The following FNDC3A variants were observed in gnomAD, a reference collection of about 807,000 sequenced individuals.
FNDC3A encodes the protein fibronectin type-III domain-containing protein 3A.
In FNDC3A, 32 loss-of-function variants were observed where a neutral mutation model predicts 148.9. The observed-to-expected ratio is 0.21, with a 90% CI of 0.16 to 0.29. The LOEUF is 0.29. FNDC3A is among the 10% of genes least tolerant of loss of function. FNDC3A has a pLI of 1.00. For synonymous variants in FNDC3A, 472 were observed against 473.6 expected, an observed-to-expected ratio of 1.00 and a Z score of 0.04; for missense variants, 1,191 against 1,452.8, an observed-to-expected ratio of 0.82 and a Z score of 2.93.
At chr13:49,028,249 C>T (rs1479721327) in intron 2 of FNDC3A, among the ~76,000 whole-genome samples, 2 of 151,912 alleles carry the variant, frequency 1.3e-5, no homozygotes, top group East Asian at 3.9e-4. Context: ...ACTATGTGCA[C>T]TCTATAAGAG....
At chr13:49,195,115 AG>A (rs1886085257) in intron 19 of FNDC3A, among the ~76,000 whole-genome samples, 1 of 152,142 alleles carries the variant, frequency 6.6e-6, no homozygotes. Context: ...ATAATTGATT[AG>A]TATATAGTTT....
At chr13:49,198,632 CT>C (rs1886274036) in intron 23 of FNDC3A, 58 bp downstream of exon 23, 5 of 1,369,662 alleles carry the variant, frequency 3.7e-6, no homozygotes, top group Non-Finnish European at 5.2e-6. Context: ...ATATACATTT[CT>C]GTAACTATTA....
At chr13:49,003,454 T>G (rs1952164219) in intron 1 of FNDC3A, among the ~76,000 whole-genome samples, 1 of 152,078 alleles carries the variant, frequency 6.6e-6, no homozygotes. Context: ...CCAGTATATA[T>G]TCAAAATATA....
chr13:49,074,799 TGTC>T (rs1877984793), intron 2 of FNDC3A, among the ~76,000 whole-genome samples: 1 of 152,146 alleles, frequency 6.6e-6, no homozygotes, highest in Non-Finnish European at 1.5e-5. Context: ...GTTTTTCAAA[TGTC>T]GTAAAATTGG....
intron 1 of FNDC3A, among the ~76,000 whole-genome samples, chr13:49,004,782 TGAGTTACCTAC>T (rs1952190867): frequency 6.6e-6 from 1 of 151,952 alleles, no homozygotes; most frequent in East Asian, 1.9e-4. Flanking sequence ...TTAAGAAAAT[TGAGTTACCTAC>T]AAAATCTTGT....
At chr13:49,101,233 C>T (rs2137838615) in intron 3 of FNDC3A, among the ~76,000 whole-genome samples, 1 of 152,282 alleles carries the variant, frequency 6.6e-6, no homozygotes, top group South Asian at 2.1e-4. Flanking sequence ...CCATGGAGCA[C>T]CTGGTTAGTT....
Position 49,145,828 on chromosome 13 carries a change from C to T in FNDC3A, c.870C>T (p.Ser290=). ...RTVVLTWSPP[S]SLINGETDES... ...TAGTACTTACCTGGTCACCACCTTC[C>T]AGCCTCATTAATGGTGAAACAGATG... The change falls in exon 8 of 26, where the codon TCC becomes TCT. Residue 290 remains serine, a synonymous_variant. Transcript: ENST00000492622. 1 of 1,613,790 alleles carries T rather than the reference C, an allele frequency of 6.2e-7. No individual in the cohort carries two copies. The highest frequency in any genetic ancestry group is 1.1e-5 in the South Asian group (1 of 91,066).
chr13:49,177,300 C>G (rs191036083), intron 13 of FNDC3A, among the ~76,000 whole-genome samples: 16 of 152,292 alleles, frequency 1.1e-4, no homozygotes, highest in Non-Finnish European at 1.6e-4. Context: ...CTGCCTTTCT[C>G]TAACTGTATT....
chr13:49,168,515 G>T, intron 9 of FNDC3A, 98 bp from the exon 10 acceptor site: 3 of 712,614 alleles, frequency 4.2e-6, no homozygotes, highest in Admixed American at 2.9e-5. Flanking sequence ...AGAACTTTTA[G>T]TGGACACCTT....
At chr13:49,071,987 T>C (rs1363016614) in intron 2 of FNDC3A, among the ~76,000 whole-genome samples, 1 of 152,160 alleles carries the variant, frequency 6.6e-6, no homozygotes, top group Admixed American at 6.5e-5. Flanking sequence ...ACCTTGTTGA[T>C]TGTTTCCTTT....
Position 49,197,585 on chromosome 13 carries a change from C to T in FNDC3A, c.2341-140C>T. 7 of 618,630 alleles carry T rather than the reference C, an allele frequency of 1.1e-5. No homozygotes were observed. The South Asian group carries it at 1.7e-4, about 15-fold the overall frequency. 38.3% of individuals were successfully genotyped at this position (618,630 alleles called of 1,614,324 possible). A position where few individuals can be genotyped will look rare whatever the true frequency, so the allele number is the denominator to read the frequency against. ...AATGAATAAAAAATGTAAAATTGAA[C>T]AGTTTTGATTGTGCTTAAAAGTTTT... On this transcript the variant is annotated intron_variant, in intron 20 of 25. Transcript: ENST00000492622.
chr13:48,981,343 A>C lies in FNDC3A; in HGVS notation c.-40+5166A>C, dbSNP rs183154775. ...TGCAATCTTGGTTTTCTAAGCATTA[A>C]AATAGAGAATAATATCTATCCTGTT... On this transcript the variant is annotated intron_variant, in intron 1 of 25. Coordinates refer to ENST00000492622, the MANE Select transcript of FNDC3A (RefSeq NM_001079673.2). 6.6e-5 allele frequency among the ~76,000 whole-genome samples: 10 copies of C among 152,234 alleles called. No individual in the cohort carries two copies. In the East Asian group the frequency reaches 1.9e-3, roughly 29 times the overall value.
chr13:49,198,586 T>A lies in FNDC3A; in HGVS notation c.2987+12T>A. ...GATAAGAATGGACGGTAGGTTTTTT[T>A]AATTGCTTCTTTATATAGTTTCTTA... On this transcript the variant is annotated intron_variant, in intron 23 of 25. Coordinates refer to ENST00000492622, the MANE Select transcript of FNDC3A (RefSeq NM_001079673.2). 1.3e-6 allele frequency: 2 copies of A among 1,585,098 alleles called. No individual in the cohort carries two copies. The highest frequency in any genetic ancestry group is 1.7e-6 in the Non-Finnish European group (2 of 1,153,710).
At chr13:49,064,650 C>T (rs184849652) in intron 2 of FNDC3A, among the ~76,000 whole-genome samples, 173 of 152,176 alleles carry the variant, frequency 1.1e-3, no homozygotes, top group African/African-American at 3.8e-3. Context: ...CAGACACAGT[C>T]AGTCATTATG....
intron 2 of FNDC3A, among the ~76,000 whole-genome samples, chr13:49,029,666 A>G (rs1873967109): frequency 6.6e-6 from 1 of 152,206 alleles, no homozygotes; most frequent in Non-Finnish European, 1.5e-5. Context: ...AACCCTTTTA[A>G]GTAGACAAGA....
At chr13:48,979,844 T>C (rs1951666614) in intron 1 of FNDC3A, among the ~76,000 whole-genome samples, 2 of 152,130 alleles carry the variant, frequency 1.3e-5, no homozygotes, top group South Asian at 4.1e-4. Flanking sequence ...TTATAATCTT[T>C]TAAAAACGTA....
chr13:49,033,486 G>C (rs1874277229), intron 2 of FNDC3A, among the ~76,000 whole-genome samples: 1 of 152,076 alleles, frequency 6.6e-6, no homozygotes, highest in African/African-American at 2.4e-5. Context: ...TGTAAAGGGT[G>C]ACTTGGTAGA....
chr13:49,064,401 G>GC (rs58870053), intron 2 of FNDC3A, among the ~76,000 whole-genome samples: 1,961 of 60,762 alleles, frequency 0.032, 73 homozygotes, highest in African/African-American at 0.091. Context: ...ATTGCCCCCC[G>GC]CCCCCCCCCC....
intron 2 of FNDC3A, among the ~76,000 whole-genome samples, chr13:49,040,792 A>G (rs1874862958): frequency 6.6e-6 from 1 of 152,190 alleles, no homozygotes; most frequent in Non-Finnish European, 1.5e-5. Flanking sequence ...AGAATCACAG[A>G]ATGATGGATA....
Sources: gnomAD v4.1 joint callset for allele counts (sites outside exome capture counted in the v4.1 genomes callset) on GRCh38, gnomAD v4.1.1 for gene constraint, MANE v1.5 for transcripts, NCBI Gene and HGNC (gene_info 2026-07-23, HGNC 2026-07-21) for gene names.